The following CDC14B variants were observed in gnomAD, a reference collection of about 807,000 sequenced individuals.
CDC14B encodes the protein cell division cycle 14B, also known as dual specificity protein phosphatase CDC14B.
CDC14B carries 22 observed loss-of-function variants against 64.2 expected under a neutral mutation model. The observed-to-expected ratio is 0.34, with a 90% confidence interval of 0.24 to 0.49. The LOEUF is 0.49. Among genes scored for constraint, CDC14B ranks in the 20% least tolerant of loss-of-function variants. The probability of loss-of-function intolerance (pLI) is 0.99; values close to 1 mark genes in which losing one functional copy is unlikely to be tolerated. For missense variants in CDC14B, 498 were observed against 629.9 expected (o/e 0.79, Z 2.24); for synonymous variants, 191 against 215.8 (o/e 0.89, Z 1.01).
At position 96,616,147 on chromosome 9, in the gene CDC14B, G is replaced by A. The variant is rs145335845; in HGVS notation, c.160+3072C>T. ...TCCAGACCAGCCTGGCCAACATAGT[G>A]AAACCCCATCTCTACTAAAATTACA... is the stretch of plus-strand genomic sequence containing the variant. On this transcript the variant is annotated intron_variant, in intron 1 of 13. Transcript: ENST00000375241. 7.3e-3 allele frequency among the ~76,000 whole-genome samples: 1,108 copies of A among 152,088 alleles called. 19 individuals are homozygous for A. Among genetic ancestry groups the A allele is most frequent in the African/African-American group, 0.026 (1,058 of 41,476 alleles).
At chr9:96,554,355 T>C (rs893490058) in intron 4 of CDC14B, among the ~76,000 whole-genome samples, 2 of 152,196 alleles carry the variant, frequency 1.3e-5, no homozygotes, top group African/African-American at 4.8e-5. Flanking sequence ...AATTTTTCCT[T>C]AAGCACTAAT....
chr9:96,580,866 T>C (rs539163660), intron 1 of CDC14B, among the ~76,000 whole-genome samples: 1 of 152,322 alleles, frequency 6.6e-6, no homozygotes, highest in African/African-American at 2.4e-5. Flanking sequence ...AAAAACCTAA[T>C]TGCATGATAT....
chr9:96,583,359 G>A (rs1845270560), intron 1 of CDC14B, among the ~76,000 whole-genome samples: 1 of 144,980 alleles, frequency 6.9e-6, no homozygotes, highest in Non-Finnish European at 1.5e-5. Context: ...TCCGGCTACT[G>A]GTTGTATTTA....
chr9:96,550,895 A>C (rs1219925488), intron 5 of CDC14B, among the ~76,000 whole-genome samples: 1 of 152,138 alleles, frequency 6.6e-6, no homozygotes, highest in Non-Finnish European at 1.5e-5. Flanking sequence ...CAGTGACTTG[A>C]CTGGTTTTTC....
chr9:96,566,358 A>ATTTTTTT (rs201974662), intron 1 of CDC14B, among the ~76,000 whole-genome samples: 1 of 140,870 alleles, frequency 7.1e-6, no homozygotes. Context: ...ATGGTAAACT[A>ATTTTTTT]TTTTTTTTTT....
chr9:96,544,441 T>C (rs1186036789), intron 5 of CDC14B, among the ~76,000 whole-genome samples: 1 of 152,208 alleles, frequency 6.6e-6, no homozygotes, highest in Non-Finnish European at 1.5e-5. Context: ...TGTTACTGAC[T>C]GAGCTGCTTA....
intron 3 of CDC14B, among the ~76,000 whole-genome samples, chr9:96,563,475 A>G (rs915597420): frequency 1.7e-4 from 26 of 151,934 alleles, no homozygotes; most frequent in Non-Finnish European, 1.0e-4. Context: ...ACATGGAGAA[A>G]CTCCGTCTCT....
In CDC14B at chr9:96,558,186, T is replaced by C. The variant is rs903974753; in HGVS notation, c.420+4507A>G. Among the ~76,000 whole-genome samples, 4 of 152,144 alleles carry C rather than the reference T, an allele frequency of 2.6e-5. 1 individual carries two copies. The highest frequency in any genetic ancestry group is 2.0e-4 in the Admixed American group (3 of 15,264). On this transcript the variant is annotated intron_variant, in intron 4 of 13. Coordinates refer to ENST00000375241, the MANE Select transcript of CDC14B (RefSeq NM_033331.4). Reference sequence around the variant, plus strand: ...GTCAGGGGGAGTGAAGAGAGGTTGGTTCTTTGGTACAAATGTACAGTTAGA... The same window carrying C: ...GTCAGGGGGAGTGAAGAGAGGTTGGCTCTTTGGTACAAATGTACAGTTAGA...
At chr9:96,561,586 C>T (rs1332725535) in intron 4 of CDC14B, among the ~76,000 whole-genome samples, 3 of 152,072 alleles carry the variant, frequency 2.0e-5, no homozygotes, top group African/African-American at 7.2e-5. Context: ...TCACGACGTT[C>T]TCTTCCCTCA....
chr9:96,492,915 AACAAGACCC>A (rs1833123814), exon 14 of CDC14B: 1 of 152,178 alleles, frequency 6.6e-6, no homozygotes, highest in African/African-American at 2.4e-5. Flanking sequence ...GGATGCTTTG[AACAAGACCC>A]CTCTAGCCTA....
intron 5 of CDC14B, among the ~76,000 whole-genome samples, chr9:96,542,553 A>C (rs759335734): frequency 6.6e-6 from 1 of 151,978 alleles, no homozygotes; most frequent in African/African-American, 2.4e-5. Context: ...GTTGGGGTGC[A>C]GTGCAGCTCA....
At chr9:96,562,146 G>A (rs911850774) in intron 4 of CDC14B, among the ~76,000 whole-genome samples, 2 of 152,108 alleles carry the variant, frequency 1.3e-5, no homozygotes, top group African/African-American at 2.4e-5. Context: ...TATGTAATCC[G>A]TGTGGTATGT....
chr9:96,605,309 G>A (rs766556151), intron 1 of CDC14B, among the ~76,000 whole-genome samples: 1 of 152,000 alleles, frequency 6.6e-6, no homozygotes, highest in Admixed American at 6.6e-5. Flanking sequence ...GCTTTCTCTG[G>A]CCTAAAGAGT....
intron 6 of CDC14B, among the ~76,000 whole-genome samples, 171 bp from the exon 7 acceptor site, chr9:96,539,311 C>A (rs1402361625): frequency 2.0e-5 from 3 of 152,050 alleles, no homozygotes; most frequent in African/African-American, 7.2e-5. Flanking sequence ...CTAAGTGCTT[C>A]TTTTATATGG....
At chr9:96,606,703 A>G (rs1202458938) in intron 1 of CDC14B, among the ~76,000 whole-genome samples, 2 of 151,970 alleles carry the variant, frequency 1.3e-5, no homozygotes, top group African/African-American at 4.8e-5. Flanking sequence ...AGGAGCTGGG[A>G]TTACAGGCAC....
chr9:96,606,400 C>A (rs1426861266), intron 1 of CDC14B, among the ~76,000 whole-genome samples: 1 of 149,420 alleles, frequency 6.7e-6, no homozygotes, highest in African/African-American at 2.5e-5. Context: ...ACTAAGAGTT[C>A]CAGCCAGGTG....
At chr9:96,529,230 C>T (rs910955895) in intron 9 of CDC14B, among the ~76,000 whole-genome samples, 1 of 152,078 alleles carries the variant, frequency 6.6e-6, no homozygotes, top group African/African-American at 2.4e-5. Flanking sequence ...TATTTAGGTC[C>T]TTGATCCATT....
chr9:96,502,703 T>G lies in CDC14B; in HGVS notation c.*1050A>C. On this transcript the variant is annotated 3_prime_UTR_variant, in exon 14 of 14. Coordinates refer to ENST00000375241, the MANE Select transcript of CDC14B (RefSeq NM_033331.4). ...TGCGGGAGAAGGCACTCTGCAGAGT[T>G]ACTAGTTGTGTTCCCTAACCAAAGG... is the stretch of plus-strand genomic sequence containing the variant. 1 of 393,194 alleles carries G rather than the reference T, an allele frequency of 2.5e-6. No individual in the cohort carries two copies. Among genetic ancestry groups the G allele is most frequent in the Non-Finnish European group, 4.5e-6 (1 of 222,952 alleles). The allele number at this position is 393,194 out of a possible 1,614,324, so 24.4% of individuals were successfully genotyped here.
chr9:96,533,812 CTAAAAA>C, intron 9 of CDC14B, 109 bp downstream of exon 9: 1 of 611,622 alleles, frequency 1.6e-6, no homozygotes, highest in Non-Finnish European at 2.7e-6. Flanking sequence ...TCACGGCACT[CTAAAAA>C]TAAAGGCAGT....
Sources: gnomAD v4.1 joint callset for allele counts (sites outside exome capture counted in the v4.1 genomes callset) on GRCh38, gnomAD v4.1.1 for gene constraint, MANE v1.5 for transcripts, NCBI Gene and HGNC (gene_info 2026-07-23, HGNC 2026-07-21) for gene names.